Variants in ADGRF5 observed in about 807,000 individuals in gnomAD.
ADGRF5 encodes the protein G-protein coupled receptor 116.
ADGRF5 carries 75 observed loss-of-function variants against 132.3 expected under a neutral mutation model. The ratio of observed to expected loss-of-function variants is 0.57; its 90% CI spans 0.47 to 0.69. The LOEUF (loss-of-function observed/expected upper bound fraction) is 0.69. Among genes scored for constraint, ADGRF5 ranks in the 30% least tolerant of loss-of-function variants. The pLI, the probability that ADGRF5 is intolerant of heterozygous loss-of-function variation, is 0.00. For missense variants in ADGRF5, 1,516 were observed against 1,630.6 expected, an observed-to-expected ratio of 0.93 and a Z score of 1.21; for synonymous variants, 629 against 597.6, an observed-to-expected ratio of 1.05 and a Z score of -0.77.
At chr6:46,903,304 C>T (rs1182306669) in intron 2 of ADGRF5, among the ~76,000 whole-genome samples, 1 of 152,162 alleles carries the variant, frequency 6.6e-6, no homozygotes, top group Non-Finnish European at 1.5e-5. Context: ...CCCCTGCCTG[C>T]TCCATCTGTG....
intron 10 of ADGRF5, among the ~76,000 whole-genome samples, chr6:46,873,949 T>C (rs1771361811): frequency 6.6e-6 from 1 of 152,240 alleles, no homozygotes; most frequent in Non-Finnish European, 1.5e-5. Context: ...CTCACTATTG[T>C]CTTATCCACT....
intron 1 of ADGRF5, among the ~76,000 whole-genome samples, chr6:46,951,816 G>C (rs1003269110): frequency 6.6e-6 from 1 of 152,196 alleles, no homozygotes; most frequent in Admixed American, 6.5e-5. Context: ...GGAGTCACGG[G>C]CAAACTGTGC....
In ADGRF5 at chr6:46,860,838, A is replaced by G; in HGVS notation, c.2256T>C (p.Leu752=). The G allele has an allele frequency of 6.2e-7, 1 of 1,613,380 alleles. No homozygotes were observed. Among genetic ancestry groups the G allele is most frequent in the Non-Finnish European group, 8.5e-7 (1 of 1,179,308 alleles). Residue 752 remains leucine (L), a synonymous_variant, in exon 16 of 21, where the codon CTT becomes CTC. Coordinates refer to ENST00000283296, the MANE Select transcript of ADGRF5 (RefSeq NM_001098518.2). ...DEMLPTYLKD[L]SISIDKAEHE... is the part of the protein sequence containing the mutation. ...GTTCCGCTTTGTCTATGCTAATAGA[A>G]AGATCCTTCAGGTATGTAGGGAGCA...
intron 1 of ADGRF5, among the ~76,000 whole-genome samples, chr6:46,915,708 T>G (rs1043690925): frequency 6.6e-6 from 1 of 150,884 alleles, no homozygotes; most frequent in Non-Finnish European, 1.5e-5. Context: ...CTATTCAGAA[T>G]GAAAAAAAAA....
rs533986341 is a variant in ADGRF5, at chr6:46,859,466, C to T, written c.2437G>A (p.Val813Ile). 8.6e-5 allele frequency: 139 copies of T among 1,613,724 alleles called. No individual in the cohort carries two copies. The highest frequency in any genetic ancestry group is 1.7e-5 in the Admixed American group (1 of 59,996). The change falls in exon 17 of 21, where the codon GTT (valine) becomes ATT (isoleucine). Residue 813 changes from valine (V) to isoleucine (I), a missense_variant. By Grantham distance (29) the Val-to-Ile change is conservative. Transcript: ENST00000283296. ...LGKPVLNTWK[V>I]LQQQWTNQSS... ...TGATTGGTCCATTGCTGTTGTAAAA[C>T]CTTCCAGGTGTTCAAGACGGGCTTG... is the stretch of plus-strand genomic sequence containing the variant.
At chr6:46,928,062 C>G (rs886388022) in intron 1 of ADGRF5, among the ~76,000 whole-genome samples, 1 of 152,142 alleles carries the variant, frequency 6.6e-6, no homozygotes, top group Non-Finnish European at 1.5e-5. Context: ...GGGTGACAAC[C>G]ACAGGAACAT....
intron 9 of ADGRF5, among the ~76,000 whole-genome samples, chr6:46,879,221 T>C (rs1281800231): frequency 6.6e-6 from 1 of 151,364 alleles, no homozygotes; most frequent in East Asian, 1.9e-4. Flanking sequence ...ATAATTATAT[T>C]ATATACTATA....
intron 1 of ADGRF5, among the ~76,000 whole-genome samples, chr6:46,938,124 G>A (rs959137938): frequency 3.3e-5 from 5 of 152,176 alleles, no homozygotes; most frequent in Non-Finnish European, 2.9e-5. Context: ...TAATTTTAGT[G>A]TTTGGGAAAA....
At position 46,871,996 on chromosome 6, in the gene ADGRF5, T is replaced by A; in HGVS notation, c.1258A>T (p.Ile420Leu). The change falls in exon 11 of 21, where the codon ATA (isoleucine) becomes TTA (leucine). Residue 420 changes from isoleucine to leucine, a missense_variant. This residue lies in a region of ADGRF5 where 945 missense variants were observed against 929.4 expected (regional missense o/e 1.02). Coordinates refer to ENST00000283296, the MANE Select transcript of ADGRF5 (RefSeq NM_001098518.2). ...GTGTATCTGCTGCAGCTAGAATCTA[T>A]GTCTGTCTCAGGGGTTCCTATAATG... ...INIPGTPETD[I>L]DSSCSRYTLK... is the part of the protein sequence containing the mutation. 6.2e-7 allele frequency: 1 copy of A among 1,607,444 alleles called. No individual in the cohort carries two copies. Among genetic ancestry groups the A allele is most frequent in the Non-Finnish European group, 8.5e-7 (1 of 1,175,214 alleles).
At chr6:46,876,895 G>A (rs1047102990) in intron 10 of ADGRF5, among the ~76,000 whole-genome samples, 4 of 70,194 alleles carry the variant, frequency 5.7e-5, no homozygotes, top group Non-Finnish European at 1.6e-4. Flanking sequence ...GTGAGCCACC[G>A]CCCCTGTTCT....
intron 14 of ADGRF5, among the ~76,000 whole-genome samples, chr6:46,864,249 A>C (rs1770115156): frequency 6.6e-6 from 1 of 152,222 alleles, no homozygotes. Flanking sequence ...ATGACTCTGT[A>C]AAACATGAAC....
chr6:46,868,862 G>C lies in ADGRF5; in HGVS notation c.1621+21C>G. The C allele has an allele frequency of 2.0e-6, 3 of 1,482,378 alleles. No individual in the cohort carries two copies. In the South Asian group the frequency reaches 3.4e-5, roughly 17 times the overall value. 91.8% of individuals were successfully genotyped at this position (1,482,378 alleles called of 1,614,324 possible). Reference sequence around the variant, plus strand: ...TCCAAGAGCCCAGGCAGCACAATACGGTGTCCGGCCTTTCACTCACCATTC... The same window carrying C: ...TCCAAGAGCCCAGGCAGCACAATACCGTGTCCGGCCTTTCACTCACCATTC... On this transcript the variant is annotated intron_variant, in intron 12 of 20. Transcript: ENST00000283296.
intron 1 of ADGRF5, among the ~76,000 whole-genome samples, chr6:46,912,655 A>T (rs1776056978): frequency 6.6e-6 from 1 of 152,212 alleles, no homozygotes; most frequent in South Asian, 2.1e-4. Context: ...AAGAAACATG[A>T]CAAAGCCAAG....
At chr6:46,921,251 G>T (rs548360932) in intron 1 of ADGRF5, among the ~76,000 whole-genome samples, 20 of 152,068 alleles carry the variant, frequency 1.3e-4, no homozygotes, top group African/African-American at 3.4e-4. Context: ...GAAGCTGAGC[G>T]AATAGCCAGG....
chr6:46,941,387 C>CAAGA (rs1778040132), intron 1 of ADGRF5, among the ~76,000 whole-genome samples: 1 of 83,186 alleles, frequency 1.2e-5, no homozygotes, highest in South Asian at 4.0e-4. Flanking sequence ...AAGAAAGAAA[C>CAAGA]AAAGAAAAGA....
At chr6:46,931,014 A>C (rs923314404) in intron 1 of ADGRF5, among the ~76,000 whole-genome samples, 2 of 152,170 alleles carry the variant, frequency 1.3e-5, no homozygotes, top group Non-Finnish European at 2.9e-5. Flanking sequence ...TGATCACACC[A>C]CTGCACCCCA....
At chr6:46,935,203 C>T (rs1322937428) in intron 1 of ADGRF5, among the ~76,000 whole-genome samples, 3 of 151,938 alleles carry the variant, frequency 2.0e-5, no homozygotes, top group African/African-American at 7.3e-5. Context: ...CAGGGTTTCA[C>T]TGTGTTAGCC....
At chr6:46,873,663 G>T (rs1005004112) in intron 10 of ADGRF5, among the ~76,000 whole-genome samples, 2 of 151,958 alleles carry the variant, frequency 1.3e-5, no homozygotes, top group African/African-American at 4.8e-5. Flanking sequence ...GCTCAAATTT[G>T]GATGACTCCC....
intron 1 of ADGRF5, among the ~76,000 whole-genome samples, chr6:46,918,263 C>T (rs1048706732): frequency 2.0e-5 from 3 of 152,192 alleles, no homozygotes; most frequent in East Asian, 1.9e-4. Flanking sequence ...TGCAGAAACT[C>T]GTAGGTCCTG....
Sources: allele counts gnomAD v4.1 joint callset (sites outside exome capture counted in the v4.1 genomes callset), GRCh38; gene constraint gnomAD v4.1.1; regional missense constraint gnomAD v4.1.1; transcripts MANE v1.5; gene names NCBI Gene and HGNC (gene_info 2026-07-23, HGNC 2026-07-21).